Variants in LHFPL6 observed in about 807,000 individuals in gnomAD.
LHFPL6 encodes the protein LHFPL tetraspan subfamily member 6.
Under a neutral mutation model 20.6 loss-of-function variants are expected in LHFPL6, and 9 were observed. That is an observed-to-expected ratio of 0.44 (90% CI 0.26 to 0.76). The LOEUF (loss-of-function observed/expected upper bound fraction) is 0.76. Among genes scored for constraint, LHFPL6 ranks in the 30% least tolerant of loss-of-function variants. The pLI, the probability that LHFPL6 is intolerant of heterozygous loss-of-function variation, is 0.20. For synonymous variants in LHFPL6, 105 were observed against 98.7 expected, an observed-to-expected ratio of 1.06 and a Z score of -0.38; for missense variants, 218 against 253.5, an observed-to-expected ratio of 0.86 and a Z score of 0.95.
intron 3 of LHFPL6, 137 bp from the exon 4 acceptor site, chr13:39,344,191 G>T: frequency 3.2e-6 from 2 of 620,714 alleles, no homozygotes; most frequent in Non-Finnish European, 5.5e-6. Flanking sequence ...GAATAATAAT[G>T]TGCTGAAAGT....
chr13:39,375,116 G>A (rs1487013774), intron 3 of LHFPL6, among the ~76,000 whole-genome samples: 2 of 152,216 alleles, frequency 1.3e-5, no homozygotes, highest in African/African-American at 4.8e-5. Flanking sequence ...TTGGGAGGAA[G>A]ATGTGTCTAC....
intron 2 of LHFPL6, among the ~76,000 whole-genome samples, chr13:39,562,848 A>G (rs1430699748): frequency 6.6e-6 from 1 of 152,056 alleles, no homozygotes; most frequent in Non-Finnish European, 1.5e-5. Context: ...TCAGTTTTCA[A>G]TGCTTCAAAG....
intron 2 of LHFPL6, among the ~76,000 whole-genome samples, chr13:39,425,002 A>G (rs1188437421): frequency 2.6e-5 from 4 of 152,136 alleles, no homozygotes; most frequent in Non-Finnish European, 4.4e-5. Context: ...CATGGCCACA[A>G]TGAAGATAAT....
chr13:39,465,092 T>C (rs1169756706), intron 2 of LHFPL6, among the ~76,000 whole-genome samples: 4 of 152,188 alleles, frequency 2.6e-5, no homozygotes, highest in Non-Finnish European at 5.9e-5. Flanking sequence ...ACTTACTTGC[T>C]ATGGCAATAA....
At chr13:39,524,300 T>C (rs912218138) in intron 2 of LHFPL6, among the ~76,000 whole-genome samples, 1 of 151,990 alleles carries the variant, frequency 6.6e-6, no homozygotes, top group Admixed American at 6.6e-5. Flanking sequence ...GGGGTTTTGT[T>C]TTTGTTTTTA....
chr13:39,348,433 G>C (rs1245538771), intron 3 of LHFPL6, among the ~76,000 whole-genome samples: 1 of 152,156 alleles, frequency 6.6e-6, no homozygotes, highest in East Asian at 1.9e-4. Flanking sequence ...TTCCCTCCGG[G>C]TGGAACAAAG....
intron 2 of LHFPL6, among the ~76,000 whole-genome samples, chr13:39,523,036 A>G (rs1337561261): frequency 6.6e-6 from 1 of 152,212 alleles, no homozygotes; most frequent in Non-Finnish European, 1.5e-5. Context: ...AAGTCTTTGT[A>G]GGAAAAAAAG....
intron 2 of LHFPL6, among the ~76,000 whole-genome samples, chr13:39,551,445 C>T (rs999894823): frequency 6.6e-6 from 1 of 152,238 alleles, no homozygotes; most frequent in Non-Finnish European, 1.5e-5. Context: ...CCTCCCAACA[C>T]TGTTGCATTG....
chr13:39,458,780 GA>G lies in LHFPL6; in HGVS notation c.386-80255del, dbSNP rs894044219. Among the ~76,000 whole-genome samples the G allele has an allele frequency of 9.1e-4, 128 of 141,060 alleles. 1 individual carries two copies. Among genetic ancestry groups the G allele is most frequent in the Non-Finnish European group, 1.1e-3 (72 of 64,534 alleles). 92.5% of individuals were successfully genotyped at this position (141,060 alleles called of 152,430 possible). ...GAAAAAGTAACTATAAATGAGGAAAGAAAAAAAAAAGAGGGTTAGGAAGTCC... is the reference window on the plus strand; with the variant it reads ...GAAAAAGTAACTATAAATGAGGAAAGAAAAAAAAAGAGGGTTAGGAAGTCC... On this transcript the variant is annotated intron_variant, in intron 2 of 3. Coordinates refer to ENST00000379589, the MANE Select transcript of LHFPL6 (RefSeq NM_005780.3).
intron 2 of LHFPL6, among the ~76,000 whole-genome samples, chr13:39,387,205 T>G (rs1411247578): frequency 6.6e-6 from 1 of 152,108 alleles, no homozygotes; most frequent in Non-Finnish European, 1.5e-5. Context: ...CTCAGAAAAA[T>G]GTATTTTTGT....
chr13:39,378,646 A>G, intron 2 of LHFPL6, 120 bp from the exon 3 acceptor site: 1 of 642,566 alleles, frequency 1.6e-6, no homozygotes, highest in Non-Finnish European at 2.7e-6. Flanking sequence ...AGACAGCACC[A>G]GCCACAACTC....
chr13:39,589,759 A>G (rs1018736560), intron 2 of LHFPL6, among the ~76,000 whole-genome samples: 1 of 152,310 alleles, frequency 6.6e-6, no homozygotes, highest in African/African-American at 2.4e-5. Flanking sequence ...TCTACACTAG[A>G]AAATTTAGCC....
intron 2 of LHFPL6, among the ~76,000 whole-genome samples, chr13:39,516,760 GA>G (rs1403025671): frequency 3.6e-5 from 5 of 138,408 alleles, no homozygotes; most frequent in Non-Finnish European, 6.3e-5. Context: ...AAATCTTGAT[GA>G]AAATTAGATG....
At chr13:39,382,279 T>C (rs988129702) in intron 2 of LHFPL6, among the ~76,000 whole-genome samples, 4 of 152,246 alleles carry the variant, frequency 2.6e-5, no homozygotes, top group Admixed American at 1.3e-4. Flanking sequence ...CTCAGGTTGC[T>C]GGTTCTCCGA....
At chr13:39,449,175 A>G (rs1412920033) in intron 2 of LHFPL6, among the ~76,000 whole-genome samples, 1 of 152,188 alleles carries the variant, frequency 6.6e-6, no homozygotes, top group Non-Finnish European at 1.5e-5. Context: ...CTGTAAACTG[A>G]CCCTCTGTTC....
At chr13:39,553,439 T>C (rs1380529009) in intron 2 of LHFPL6, among the ~76,000 whole-genome samples, 2 of 152,176 alleles carry the variant, frequency 1.3e-5, no homozygotes, top group African/African-American at 4.8e-5. Context: ...CGGCCAGGCA[T>C]GCAGGCTCAC....
chr13:39,464,175 A>G (rs546646739), intron 2 of LHFPL6, among the ~76,000 whole-genome samples: 2 of 152,304 alleles, frequency 1.3e-5, no homozygotes, highest in Admixed American at 1.3e-4. Context: ...ATTAGGACTC[A>G]AAAGAGTGAT....
At chr13:39,542,465 C>A (rs1870839791) in intron 2 of LHFPL6, among the ~76,000 whole-genome samples, 2 of 152,196 alleles carry the variant, frequency 1.3e-5, no homozygotes, top group Non-Finnish European at 2.9e-5. Context: ...CAGATGCACA[C>A]ACAGACACAC....
rs938128372 is a variant in LHFPL6 at position 39,360,229 on chromosome 13, C to A, written c.485-16175G>T. 1.7e-4 allele frequency among the ~76,000 whole-genome samples: 17 copies of A among 97,190 alleles called. 6 individuals are homozygous for A. Among genetic ancestry groups the A allele is most frequent in the African/African-American group, 4.5e-4 (15 of 33,158 alleles). 63.8% of individuals were successfully genotyped at this position (97,190 alleles called of 152,430 possible). On this transcript the variant is annotated intron_variant, in intron 3 of 3. Coordinates refer to ENST00000379589, the MANE Select transcript of LHFPL6 (RefSeq NM_005780.3). ...AGAGACAGAGTTTCACTGTGTTAGC[C>A]AGGATGGTCTCGATCTCCTGACCTC...
Sources: allele counts gnomAD v4.1 joint callset (sites outside exome capture counted in the v4.1 genomes callset), GRCh38; gene constraint gnomAD v4.1.1; transcripts MANE v1.5; gene names NCBI Gene and HGNC (gene_info 2026-07-23, HGNC 2026-07-21).